The following NKAIN2 variants were observed in gnomAD, a reference collection of about 807,000 sequenced individuals.
NKAIN2 encodes the protein sodium/potassium-transporting ATPase subunit beta-1-interacting protein 2.
In NKAIN2, 14 loss-of-function variants were observed where a neutral mutation model predicts 32.6. The ratio of observed to expected loss-of-function variants is 0.43; its 90% CI spans 0.28 to 0.67. NKAIN2 has a LOEUF of 0.67. Ranked by LOEUF, NKAIN2 falls within the 30% of genes least tolerant of loss-of-function variation. The pLI is 0.17. For missense variants in NKAIN2, 198 were observed against 258.3 expected (o/e 0.77, Z 1.60); for synonymous variants, 80 against 87.2 (o/e 0.92, Z 0.46).
intron 1 of NKAIN2, among the ~76,000 whole-genome samples, chr6:123,889,498 T>A (rs1334181519): frequency 6.6e-6 from 1 of 152,146 alleles, no homozygotes; most frequent in East Asian, 1.9e-4. Context: ...CATGACAGGC[T>A]GACTCCATGT....
At chr6:124,766,725 T>C (rs1778529776) in intron 4 of NKAIN2, among the ~76,000 whole-genome samples, 1 of 152,152 alleles carries the variant, frequency 6.6e-6, no homozygotes, top group Non-Finnish European at 1.5e-5. Flanking sequence ...CTTGAGTATA[T>C]GCTTTTCCTA....
At chr6:124,761,417 GC>G (rs1778261022) in intron 4 of NKAIN2, among the ~76,000 whole-genome samples, 1 of 152,072 alleles carries the variant, frequency 6.6e-6, no homozygotes, top group South Asian at 2.1e-4. Flanking sequence ...AAGGCTCTCT[GC>G]CAGGATGAGA....
At chr6:123,910,135 C>T (rs1775098566) in intron 1 of NKAIN2, among the ~76,000 whole-genome samples, 1 of 152,102 alleles carries the variant, frequency 6.6e-6, no homozygotes, top group African/African-American at 2.4e-5. Context: ...TAGGCACTTC[C>T]ACTTCCCAGC....
chr6:124,674,521 C>G (rs1773263963), intron 4 of NKAIN2, among the ~76,000 whole-genome samples: 1 of 151,842 alleles, frequency 6.6e-6, no homozygotes, highest in Admixed American at 6.6e-5. Context: ...TTATTTATAT[C>G]TTCTTTAATT....
chr6:124,752,556 T>G (rs1777773410), intron 4 of NKAIN2, among the ~76,000 whole-genome samples: 1 of 152,034 alleles, frequency 6.6e-6, no homozygotes, highest in Non-Finnish European at 1.5e-5. Context: ...TGTGTGTGTG[T>G]GTGTGTATAC....
At chr6:124,617,720 T>G (rs1359683517) in intron 3 of NKAIN2, among the ~76,000 whole-genome samples, 2 of 152,232 alleles carry the variant, frequency 1.3e-5, no homozygotes, top group African/African-American at 4.8e-5. Flanking sequence ...TTATGAATTC[T>G]AAAACCTTAC....
intron 4 of NKAIN2, among the ~76,000 whole-genome samples, chr6:124,780,871 C>T (rs551003034): frequency 2.0e-5 from 3 of 152,100 alleles, no homozygotes; most frequent in Admixed American, 6.5e-5. Flanking sequence ...CATGATGAGT[C>T]GGAACCACTG....
chr6:124,117,026 A>G (rs1467399968), intron 1 of NKAIN2, among the ~76,000 whole-genome samples: 2 of 152,126 alleles, frequency 1.3e-5, no homozygotes, highest in East Asian at 3.9e-4. Flanking sequence ...TCTTAAAGTA[A>G]TTAGCTATAA....
At chr6:124,388,192 A>T (rs1316737956) in intron 3 of NKAIN2, among the ~76,000 whole-genome samples, 1 of 152,012 alleles carries the variant, frequency 6.6e-6, no homozygotes, top group East Asian at 1.9e-4. Flanking sequence ...ACAAAAAAAA[A>T]ACCCTGCTTA....
chr6:123,858,965 G>C (rs922451526), intron 1 of NKAIN2, among the ~76,000 whole-genome samples: 1 of 151,970 alleles, frequency 6.6e-6, no homozygotes, highest in Non-Finnish European at 1.5e-5. Flanking sequence ...TTCTTTATAA[G>C]CACATATATT....
chr6:123,854,435 C>T (rs1003384702), intron 1 of NKAIN2, among the ~76,000 whole-genome samples: 12 of 152,018 alleles, frequency 7.9e-5, no homozygotes, highest in African/African-American at 2.7e-4. Context: ...AATGTCACCA[C>T]GATAATGTTT....
intron 5 of NKAIN2, among the ~76,000 whole-genome samples, chr6:124,817,214 T>G (rs1180567655): frequency 6.6e-6 from 1 of 152,138 alleles, no homozygotes; most frequent in Non-Finnish European, 1.5e-5. Flanking sequence ...ATTTGTAAAT[T>G]TTCTTAAAAC....
intron 4 of NKAIN2, among the ~76,000 whole-genome samples, chr6:124,728,896 A>C (rs1776489441): frequency 2.0e-5 from 3 of 149,818 alleles, no homozygotes; most frequent in South Asian, 2.2e-4. Context: ...ATCCCACAGA[A>C]ATACAAACTA....
intron 3 of NKAIN2, among the ~76,000 whole-genome samples, chr6:124,635,780 C>T (rs544131570): frequency 6.6e-6 from 1 of 152,002 alleles, no homozygotes; most frequent in East Asian, 1.9e-4. Flanking sequence ...ATGGAGCACC[C>T]AGATACATAA....
At chr6:124,171,924 T>G (rs1233638010) in intron 1 of NKAIN2, among the ~76,000 whole-genome samples, 1 of 151,258 alleles carries the variant, frequency 6.6e-6, no homozygotes, top group Non-Finnish European at 1.5e-5. Flanking sequence ...TCCACTCACT[T>G]GCCTCAGCCT....
chr6:124,476,059 AGAGAGAGT>A (rs1172114891), intron 3 of NKAIN2, among the ~76,000 whole-genome samples: 76 of 86,062 alleles, frequency 8.8e-4, no homozygotes, highest in African/African-American at 2.9e-3. Context: ...AGAGAGAGAG[AGAGAGAGT>A]GTGTGTGTGT....
At chr6:124,607,899 G>C (rs1249766483) in intron 3 of NKAIN2, among the ~76,000 whole-genome samples, 1 of 152,000 alleles carries the variant, frequency 6.6e-6, no homozygotes, top group Non-Finnish European at 1.5e-5. Context: ...TAGGCTTTTT[G>C]TTAGATGATT....
At chr6:124,227,132 C>T (rs772045012) in intron 1 of NKAIN2, among the ~76,000 whole-genome samples, 1 of 151,538 alleles carries the variant, frequency 6.6e-6, no homozygotes, top group Admixed American at 6.6e-5. Context: ...ATCTAGTGGC[C>T]TGAACTCAAA....
rs200883772 is a variant in NKAIN2 at position 124,092,445 on chromosome 6, ACCT to A, written c.55-190556_55-190554del. Among the ~76,000 whole-genome samples the A allele has an allele frequency of 7.3e-4, 111 of 152,104 alleles. 1 individual carries two copies. The East Asian group carries it at 0.017, about 24-fold the overall frequency. On this transcript the variant is annotated intron_variant, in intron 1 of 6. Transcript: ENST00000368417. The stretch of plus-strand genomic sequence containing the variant: ...TTCTTATGATTTCCCATCTTTTATA[ACCT>A]CCTTCCTGTTGATTTTTAAAAGGAT...
Sources: allele counts gnomAD v4.1 joint callset (sites outside exome capture counted in the v4.1 genomes callset), GRCh38; gene constraint gnomAD v4.1.1; transcripts MANE v1.5; gene names NCBI Gene and HGNC (gene_info 2026-07-23, HGNC 2026-07-21).